SPOCK1: variants seen among roughly 807,000 people sequenced by gnomAD.
SPOCK1 encodes SPARC (osteonectin), cwcv and kazal like domains proteoglycan 1.
A neutral mutation model predicts 55.3 loss-of-function variants in SPOCK1; 23 were observed. The ratio of observed to expected loss-of-function variants is 0.42; its 90% confidence interval spans 0.30 to 0.59. The LOEUF (loss-of-function observed/expected upper bound fraction) is 0.59. Among genes scored for constraint, SPOCK1 ranks in the 20% least tolerant of loss-of-function variants. The pLI is 0.22. For missense variants in SPOCK1, 499 were observed against 552.5 expected, an observed-to-expected ratio of 0.90 and a Z score of 0.97; for synonymous variants, 226 against 221.0, an observed-to-expected ratio of 1.02 and a Z score of -0.20.
intron 2 of SPOCK1, among the ~76,000 whole-genome samples, chr5:137,315,075 C>T (rs563002846): frequency 5.8e-4 from 89 of 152,284 alleles, no homozygotes; most frequent in Admixed American, 2.0e-3. Context: ...CTTACCCCTG[C>T]CAATCCCGAC....
Position 137,229,969 on chromosome 5 carries a change from C to G in SPOCK1, c.232+37041G>C, listed in dbSNP as rs1360439231. On this transcript the variant is annotated intron_variant, in intron 3 of 10. Transcript: ENST00000394945. ...CTGTGCAGCCCATGGGTAGGGGACC[C>G]CTGCTGTAGAGTAGTGACAATGAAG... 2.6e-5 allele frequency among the ~76,000 whole-genome samples: 4 copies of G among 152,114 alleles called. No individual in the cohort carries two copies. The South Asian group carries it at 6.2e-4, about 24-fold the overall frequency.
At chr5:137,196,406 T>C (rs1755299754) in intron 3 of SPOCK1, among the ~76,000 whole-genome samples, 1 of 152,206 alleles carries the variant, frequency 6.6e-6, no homozygotes, top group Non-Finnish European at 1.5e-5. Flanking sequence ...CTCCACAAGG[T>C]GCATGGCCCT....
intron 2 of SPOCK1, among the ~76,000 whole-genome samples, chr5:137,268,078 T>C (rs1401485610): frequency 6.6e-6 from 1 of 152,226 alleles, no homozygotes; most frequent in Non-Finnish European, 1.5e-5. Flanking sequence ...CACAATTAGT[T>C]TAAATTATTG....
intron 2 of SPOCK1, among the ~76,000 whole-genome samples, chr5:137,274,709 C>T (rs1757029203): frequency 6.6e-6 from 1 of 152,078 alleles, no homozygotes; most frequent in African/African-American, 2.4e-5. Flanking sequence ...AGACCAATTG[C>T]AACTGGAAAA....
At chr5:137,201,105 C>T (rs947188566) in intron 3 of SPOCK1, among the ~76,000 whole-genome samples, 1 of 152,136 alleles carries the variant, frequency 6.6e-6, no homozygotes, top group Non-Finnish European at 1.5e-5. Flanking sequence ...TGAGTTGTCC[C>T]AGGAAGGGAA....
chr5:137,286,978 T>C (rs988308), intron 2 of SPOCK1, among the ~76,000 whole-genome samples: 71,853 of 151,946 alleles, frequency 0.47, 17,195 homozygotes, highest in Admixed American at 0.49. Context: ...CAACAGGAGG[T>C]GCTGGAGAAT....
chr5:137,273,870 G>A (rs1164676810), intron 2 of SPOCK1, among the ~76,000 whole-genome samples: 1 of 152,192 alleles, frequency 6.6e-6, no homozygotes, highest in African/African-American at 2.4e-5. Flanking sequence ...AGCTTGAGGG[G>A]TCCTCAAACC....
At position 137,252,402 on chromosome 5, in the gene SPOCK1, A is replaced by G. The variant is rs114647932; in HGVS notation, c.232+14608T>C. ...TACAGAGCAACGGAGAAAAACGTGGATGGCAGTCATGATCACACAGCAGCC... is the reference window on the plus strand; with the variant it reads ...TACAGAGCAACGGAGAAAAACGTGGGTGGCAGTCATGATCACACAGCAGCC... On this transcript the variant is annotated intron_variant, in intron 3 of 10. Coordinates refer to ENST00000394945, the MANE Select transcript of SPOCK1 (RefSeq NM_004598.4). Among the ~76,000 whole-genome samples, 801 of 152,360 alleles carry G rather than the reference A, an allele frequency of 5.3e-3. 6 individuals are homozygous for G. The highest frequency in any genetic ancestry group is 0.019 in the African/African-American group (770 of 41,586).
intron 2 of SPOCK1, among the ~76,000 whole-genome samples, chr5:137,473,354 A>G (rs35325987): frequency 0.024 from 3,732 of 152,342 alleles, 54 homozygotes; most frequent in African/African-American, 0.035. Context: ...ACAGCAAGGT[A>G]CGCAAGTAAA....
chr5:137,420,705 T>C (rs1027724988), intron 2 of SPOCK1, among the ~76,000 whole-genome samples: 13 of 152,216 alleles, frequency 8.5e-5, no homozygotes, highest in African/African-American at 7.2e-5. Context: ...TTATGAGTCT[T>C]GCTAGTGGTC....
intron 3 of SPOCK1, among the ~76,000 whole-genome samples, chr5:137,185,123 A>T (rs1466985297): frequency 2.0e-5 from 3 of 152,210 alleles, no homozygotes; most frequent in Non-Finnish European, 4.4e-5. Context: ...GTCAGGGCAG[A>T]GAGAGGAAAA....
In SPOCK1 at chr5:136,976,005, A is replaced by T. The variant is rs1750603388; in HGVS notation, c.*2649T>A. The T allele has an allele frequency of 6.6e-6, 1 of 152,212 alleles. No homozygotes were observed. Among genetic ancestry groups the T allele is most frequent in the African/African-American group, 2.4e-5 (1 of 41,448 alleles). 9.4% of individuals were successfully genotyped at this position (152,212 alleles called of 1,614,324 possible). A position where few individuals can be genotyped will look rare whatever the true frequency, so the allele number is the denominator to read the frequency against. ...AAGTGGTTTATTACAATATTTTTAT[A>T]ATCAGTATTTTATGTGTACTTGGTC... On this transcript the variant is annotated 3_prime_UTR_variant, in exon 11 of 11. Coordinates refer to ENST00000394945, the MANE Select transcript of SPOCK1 (RefSeq NM_004598.4).
intron 3 of SPOCK1, among the ~76,000 whole-genome samples, chr5:137,202,814 A>G (rs1755450081): frequency 6.6e-6 from 1 of 152,248 alleles, no homozygotes; most frequent in Admixed American, 6.5e-5. Context: ...GAGTTCTTCT[A>G]TAAATAATCA....
At chr5:137,332,786 A>G (rs1322851368) in intron 2 of SPOCK1, among the ~76,000 whole-genome samples, 1 of 152,240 alleles carries the variant, frequency 6.6e-6, no homozygotes, top group Non-Finnish European at 1.5e-5. Context: ...GTAGAGAGGC[A>G]GACAGACAGA....
chr5:137,188,116 G>A (rs1422954407), intron 3 of SPOCK1, among the ~76,000 whole-genome samples: 2 of 152,176 alleles, frequency 1.3e-5, no homozygotes, highest in Non-Finnish European at 2.9e-5. Context: ...TCCTGAGTCA[G>A]GTGAATCATG....
intron 3 of SPOCK1, among the ~76,000 whole-genome samples, chr5:137,227,230 T>G (rs1580817038): frequency 6.6e-6 from 1 of 152,294 alleles, no homozygotes; most frequent in Admixed American, 6.5e-5. Context: ...ATGGCAATAC[T>G]CCTCAAAGCA....
chr5:137,107,427 ACT>A (rs2127029295), intron 5 of SPOCK1, among the ~76,000 whole-genome samples: 1 of 152,102 alleles, frequency 6.6e-6, no homozygotes, highest in African/African-American at 2.4e-5. Context: ...TCTATATCAC[ACT>A]CTCAAACCAG....
At chr5:137,416,253 C>T (rs1490884972) in intron 2 of SPOCK1, among the ~76,000 whole-genome samples, 6 of 150,946 alleles carry the variant, frequency 4.0e-5, no homozygotes, top group Admixed American at 4.0e-4. Context: ...TTCAGACATA[C>T]AAAACCTTAC....
At chr5:137,323,257 A>T (rs1005317157) in intron 2 of SPOCK1, among the ~76,000 whole-genome samples, 2 of 152,182 alleles carry the variant, frequency 1.3e-5, no homozygotes, top group Admixed American at 1.3e-4. Flanking sequence ...GATTTTTTTT[A>T]AAAGAAAATG....
Sources: allele counts gnomAD v4.1 joint callset (sites outside exome capture counted in the v4.1 genomes callset), GRCh38; gene constraint gnomAD v4.1.1; transcripts MANE v1.5; gene names NCBI Gene and HGNC (gene_info 2026-07-23, HGNC 2026-07-21).